The following SASH1 variants were observed in gnomAD, a reference collection of about 807,000 sequenced individuals.
SASH1 encodes the protein SAM and SH3 domain containing 1, also known as SAM and SH3 domain-containing protein 1.
In SASH1, 44 loss-of-function variants were observed where a neutral mutation model predicts 125.2. The observed-to-expected ratio is 0.35, with a 90% CI of 0.28 to 0.45. The LOEUF (loss-of-function observed/expected upper bound fraction) is 0.45. Ranked by LOEUF, SASH1 falls within the 20% of genes least tolerant of loss-of-function variation. The pLI is 1.00. For missense variants in SASH1, 1,426 were observed against 1,614.5 expected (o/e 0.88, Z 2.00); for synonymous variants, 639 against 649.1 (o/e 0.98, Z 0.24).
intron 6 of SASH1, among the ~76,000 whole-genome samples, chr6:148,472,395 T>A (rs1391835137): frequency 3.9e-5 from 6 of 152,090 alleles, no homozygotes; most frequent in African/African-American, 1.4e-4. Flanking sequence ...CATTCCCAGT[T>A]TTTTGTATTC....
chr6:148,389,433 CT>C (rs1783608416), intron 1 of SASH1, among the ~76,000 whole-genome samples: 1 of 152,184 alleles, frequency 6.6e-6, no homozygotes, highest in Non-Finnish European at 1.5e-5. Flanking sequence ...GTAACATGTA[CT>C]CTTGCACCTG....
chr6:148,387,312 G>T (rs1265597985), intron 1 of SASH1, among the ~76,000 whole-genome samples: 1 of 151,520 alleles, frequency 6.6e-6, no homozygotes, highest in African/African-American at 2.4e-5. Context: ...TAGAGACGGG[G>T]TTTCACCATG....
At chr6:148,526,884 TCCC>T (rs1781199691) in intron 11 of SASH1, among the ~76,000 whole-genome samples, 4 of 141,090 alleles carry the variant, frequency 2.8e-5, no homozygotes. Flanking sequence ...TTTTTTTTTT[TCCC>T]TCTGAGAGGG....
intron 2 of SASH1, among the ~76,000 whole-genome samples, chr6:148,431,659 ATGTG>A (rs1189745791): frequency 6.6e-6 from 1 of 151,246 alleles, no homozygotes; most frequent in Non-Finnish European, 1.5e-5. Context: ...GCACTAGTCC[ATGTG>A]TTGACTGCTG....
the SASH1 span, among the ~76,000 whole-genome samples, chr6:148,215,646 G>A: frequency 9.2e-5 from 14 of 151,984 alleles, no homozygotes; most frequent in Non-Finnish European, 1.8e-4. Context: ...GGCCCTCTAC[G>A]AGGTATCATA....
chr6:148,336,221 G>GC (rs1781150169), intron 1 of SASH1, among the ~76,000 whole-genome samples: 1 of 137,322 alleles, frequency 7.3e-6, no homozygotes, highest in African/African-American at 2.7e-5. Context: ...TCTCACCCAG[G>GC]CTGGAGTGCA....
At chr6:148,456,601 C>T (rs1777364178) in intron 4 of SASH1, among the ~76,000 whole-genome samples, 1 of 152,180 alleles carries the variant, frequency 6.6e-6, no homozygotes. Context: ...TGGCTCATGC[C>T]TGTAATCCAA....
intron 2 of SASH1, among the ~76,000 whole-genome samples, chr6:148,435,569 A>G (rs1285280598): frequency 6.6e-6 from 1 of 152,118 alleles, no homozygotes; most frequent in Non-Finnish European, 1.5e-5. Flanking sequence ...CTCCAGTACC[A>G]GGAAGGAGTC....
chr6:148,285,428 TAC>T (rs1215786181), intron 1 of SASH1, among the ~76,000 whole-genome samples: 10 of 152,354 alleles, frequency 6.6e-5, no homozygotes, highest in Non-Finnish European at 1.3e-4. Context: ...AACATTACTT[TAC>T]AGAGTAGCCT....
rs1782819436 is a variant in SASH1, at chr6:148,550,386, CATAA to C, written c.*1831_*1834del. ...CCTTGGGTTGGAGGGGAAGTGATTT[CATAA>C]ATTAATTAGAAAGCCATCTTTAGCA... On this transcript the variant is annotated 3_prime_UTR_variant, in exon 20 of 20. Coordinates refer to ENST00000367467, the MANE Select transcript of SASH1 (RefSeq NM_015278.5). 6.6e-6 allele frequency: 1 copy of C among 152,186 alleles called. No homozygotes were observed. Among genetic ancestry groups the C allele is most frequent in the Non-Finnish European group, 1.5e-5 (1 of 68,042 alleles). The allele number at this position is 152,186 out of a possible 1,614,324, so 9.4% of individuals were successfully genotyped here.
At chr6:148,525,778 T>G (rs1400122641) in intron 11 of SASH1, among the ~76,000 whole-genome samples, 2 of 152,214 alleles carry the variant, frequency 1.3e-5, no homozygotes, top group Non-Finnish European at 1.5e-5. Context: ...TGCTGGCATT[T>G]TGGAACACCA....
the SASH1 span, among the ~76,000 whole-genome samples, chr6:148,196,770 G>A: frequency 1.3e-5 from 2 of 152,294 alleles, no homozygotes; most frequent in African/African-American, 2.4e-5. Flanking sequence ...AGTGGCAGAC[G>A]GCATGGTTCA....
At chr6:148,211,829 G>A in the SASH1 span, among the ~76,000 whole-genome samples, 12 of 152,138 alleles carry the variant, frequency 7.9e-5, no homozygotes, top group African/African-American at 2.9e-4. Context: ...TCCCTGTCGT[G>A]ACTGCCACCA....
At chr6:148,385,037 T>C (rs1302491274) in intron 1 of SASH1, among the ~76,000 whole-genome samples, 1 of 152,204 alleles carries the variant, frequency 6.6e-6, no homozygotes, top group Non-Finnish European at 1.5e-5. Flanking sequence ...AAAACACACA[T>C]ATACATTCTT....
At chr6:148,425,465 A>G (rs1303293095) in intron 2 of SASH1, among the ~76,000 whole-genome samples, 1 of 152,160 alleles carries the variant, frequency 6.6e-6, no homozygotes, top group Non-Finnish European at 1.5e-5. Flanking sequence ...ACTTCTTGTT[A>G]CTAATAACCA....
At chr6:148,226,481 C>G in the SASH1 span, among the ~76,000 whole-genome samples, 2 of 152,178 alleles carry the variant, frequency 1.3e-5, no homozygotes, top group African/African-American at 4.8e-5. Flanking sequence ...CTACTTTTAT[C>G]TGTCAAAATG....
At chr6:148,387,869 G>A (rs1783536490) in intron 1 of SASH1, among the ~76,000 whole-genome samples, 1 of 148,418 alleles carries the variant, frequency 6.7e-6, no homozygotes, top group Non-Finnish European at 1.5e-5. Flanking sequence ...CTCCTGAGTA[G>A]CTGGGATTAC....
chr6:148,545,851 A>G (rs1201273870), intron 18 of SASH1, among the ~76,000 whole-genome samples, 164 bp from the exon 19 acceptor site: 6 of 152,264 alleles, frequency 3.9e-5, no homozygotes, highest in African/African-American at 1.4e-4. Context: ...CAAGGCGAGA[A>G]GATCGCTTGA....
At chr6:148,458,135 T>C (rs1276822340) in intron 4 of SASH1, among the ~76,000 whole-genome samples, 4 of 152,240 alleles carry the variant, frequency 2.6e-5, no homozygotes, top group African/African-American at 4.8e-5. Flanking sequence ...GAGCAGCTGC[T>C]CAGGGAATTA....
Sources: allele counts gnomAD v4.1 joint callset (sites outside exome capture counted in the v4.1 genomes callset), GRCh38; gene constraint gnomAD v4.1.1; transcripts MANE v1.5; gene names NCBI Gene and HGNC (gene_info 2026-07-23, HGNC 2026-07-21).